NBEA: variants seen among roughly 807,000 people sequenced by gnomAD.
The protein encoded by NBEA is neurobeachin.
NBEA carries 44 observed loss-of-function variants against 343.4 expected under a neutral mutation model. The observed-to-expected ratio is 0.13, with a 90% CI of 0.10 to 0.16. The LOEUF (loss-of-function observed/expected upper bound fraction) is 0.16. Among genes scored for constraint, NBEA ranks in the 10% least tolerant of loss-of-function variants. The pLI, the probability that NBEA is intolerant of heterozygous loss-of-function variation, is 1.00. For synonymous variants in NBEA, 1,175 were observed against 1,238.7 expected (o/e 0.95, Z 1.08); for missense variants, 2,555 against 3,631.3 (o/e 0.70, Z 7.62).
At chr13:35,092,353 T>TA (rs1815704814) in intron 10 of NBEA, among the ~76,000 whole-genome samples, 1 of 151,914 alleles carries the variant, frequency 6.6e-6, no homozygotes, top group Non-Finnish European at 1.5e-5. Flanking sequence ...CATAATTCAC[T>TA]AAAAAAGGGA....
intron 1 of NBEA, among the ~76,000 whole-genome samples, chr13:34,983,830 G>T (rs1409195363): frequency 1.3e-5 from 2 of 152,150 alleles, no homozygotes; most frequent in Non-Finnish European, 2.9e-5. Context: ...CTTTTGAGAA[G>T]TGTCTGTTCA....
intron 38 of NBEA, among the ~76,000 whole-genome samples, chr13:35,376,305 TTCA>T (rs2041737459): frequency 2.6e-5 from 4 of 152,168 alleles, no homozygotes; most frequent in Admixed American, 2.0e-4. Context: ...AGTGAAAGCC[TTCA>T]TCACTTTTTA....
chr13:35,027,759 C>T (rs2062065447), intron 1 of NBEA, among the ~76,000 whole-genome samples: 1 of 151,938 alleles, frequency 6.6e-6, no homozygotes, highest in East Asian at 1.9e-4. Flanking sequence ...TAGCCAGGCT[C>T]TAGGTCCTGA....
intron 6 of NBEA, among the ~76,000 whole-genome samples, chr13:35,053,538 A>G (rs1293685789): frequency 6.6e-6 from 1 of 151,940 alleles, no homozygotes; most frequent in Non-Finnish European, 1.5e-5. Context: ...TGTATTTTAG[A>G]TACTCTCTAT....
At chr13:35,029,387 C>T (rs960744326) in intron 1 of NBEA, among the ~76,000 whole-genome samples, 1 of 151,276 alleles carries the variant, frequency 6.6e-6, no homozygotes, top group Non-Finnish European at 1.5e-5. Context: ...GTTAACAAAT[C>T]CAGAGTTTGA....
intron 1 of NBEA, among the ~76,000 whole-genome samples, chr13:34,946,633 G>GT (rs926871097): frequency 2.0e-5 from 3 of 149,500 alleles, no homozygotes; most frequent in Non-Finnish European, 4.5e-5. Flanking sequence ...TGGATTTGTA[G>GT]TTTTTTTTCA....
intron 38 of NBEA, among the ~76,000 whole-genome samples, chr13:35,413,386 G>T (rs1240537889): frequency 6.6e-6 from 1 of 151,952 alleles, no homozygotes; most frequent in African/African-American, 2.4e-5. Context: ...ATATTCCTTT[G>T]TTTACTTCAC....
chr13:34,975,250 C>G (rs1009576013), intron 1 of NBEA, among the ~76,000 whole-genome samples: 17 of 152,116 alleles, frequency 1.1e-4, no homozygotes, highest in African/African-American at 3.6e-4. Context: ...TAGCATGGTA[C>G]TGGTATAAAA....
At chr13:35,451,276 T>A (rs1254673301) in intron 39 of NBEA, among the ~76,000 whole-genome samples, 3 of 152,036 alleles carry the variant, frequency 2.0e-5, no homozygotes, top group African/African-American at 7.2e-5. Context: ...GGCTTTTGGC[T>A]CCACGCCCGT....
intron 36 of NBEA, among the ~76,000 whole-genome samples, chr13:35,328,279 A>T (rs1236753115): frequency 6.6e-6 from 1 of 152,056 alleles, no homozygotes; most frequent in Non-Finnish European, 1.5e-5. Flanking sequence ...AGTATCAAAA[A>T]TAGGAAGCAC....
chr13:35,172,874 A>G (rs2070578733), intron 26 of NBEA, among the ~76,000 whole-genome samples: 2 of 152,126 alleles, frequency 1.3e-5, no homozygotes, highest in Admixed American at 1.3e-4. Context: ...ACTACTTGTT[A>G]CAGTATTCTA....
chr13:35,132,897 G>T (rs2067503437), intron 17 of NBEA, among the ~76,000 whole-genome samples: 2 of 152,124 alleles, frequency 1.3e-5, no homozygotes, highest in South Asian at 2.1e-4. Context: ...AGTAAAGCTA[G>T]TAAAAATGTG....
chr13:35,151,011 G>A (rs944452488), intron 18 of NBEA, among the ~76,000 whole-genome samples: 4 of 151,636 alleles, frequency 2.6e-5, no homozygotes, highest in Admixed American at 6.6e-5. Flanking sequence ...CCAGTTACTC[G>A]GGAAGCTGAA....
chr13:35,055,423 A>T (rs1231243968), intron 6 of NBEA, among the ~76,000 whole-genome samples: 1 of 151,656 alleles, frequency 6.6e-6, no homozygotes, highest in Non-Finnish European at 1.5e-5. Flanking sequence ...ATATATAATT[A>T]TCCTGGATTT....
intron 8 of NBEA, among the ~76,000 whole-genome samples, chr13:35,067,650 C>A (rs527810243): frequency 1.6e-4 from 25 of 152,190 alleles, no homozygotes; most frequent in Admixed American, 1.2e-3. Context: ...TATAATAATT[C>A]TTCCTCTGAA....
intron 40 of NBEA, among the ~76,000 whole-genome samples, chr13:35,463,900 G>A (rs1446029418): frequency 6.6e-6 from 1 of 152,034 alleles, no homozygotes; most frequent in Non-Finnish European, 1.5e-5. Flanking sequence ...CAAACAAGAG[G>A]AAAGATATAT....
chr13:35,570,426 A>G (rs2080348835), intron 45 of NBEA, among the ~76,000 whole-genome samples: 1 of 152,188 alleles, frequency 6.6e-6, no homozygotes, highest in East Asian at 1.9e-4. Context: ...CTAATTTTAT[A>G]TAGTGTTAAG....
intron 24 of NBEA, among the ~76,000 whole-genome samples, chr13:35,168,780 C>T (rs1038086427): frequency 1.3e-4 from 19 of 151,040 alleles, no homozygotes; most frequent in Admixed American, 2.0e-4. Flanking sequence ...AAGTTGAAGT[C>T]TAAATATTTG....
intron 47 of NBEA, among the ~76,000 whole-genome samples, chr13:35,600,236 C>G (rs931997952): frequency 1.3e-5 from 2 of 152,178 alleles, no homozygotes; most frequent in African/African-American, 2.4e-5. Flanking sequence ...GGCAGCTGGT[C>G]AGAAACCAAA....
Sources: gnomAD v4.1 joint callset for allele counts (sites outside exome capture counted in the v4.1 genomes callset) on GRCh38, gnomAD v4.1.1 for gene constraint, MANE v1.5 for transcripts, NCBI Gene and HGNC (gene_info 2026-07-23, HGNC 2026-07-21) for gene names.